Variants in SNAP47 observed in about 807,000 individuals in gnomAD.
SNAP47 encodes the protein synaptosomal-associated protein 47.
Under a neutral mutation model 31.4 loss-of-function variants are expected in SNAP47, and 20 were observed. That is an observed-to-expected ratio of 0.64 (90% CI 0.45 to 0.93). The LOEUF is 0.93. SNAP47 is among the 40% of genes least tolerant of loss of function. SNAP47 has a pLI of 0.00. For synonymous variants in SNAP47, 194 were observed against 213.4 expected, an observed-to-expected ratio of 0.91 and a Z score of 0.79; for missense variants, 492 against 528.5, an observed-to-expected ratio of 0.93 and a Z score of 0.68.
At chr1:227,771,087 T>TG (rs1191791354) in intron 4 of SNAP47, among the ~76,000 whole-genome samples, 1 of 151,930 alleles carries the variant, frequency 6.6e-6, no homozygotes, top group African/African-American at 2.4e-5. Context: ...CAGGCAGGAG[T>TG]GGGCCTTGCT....
chr1:227,740,400 G>C (rs1342597006), intron 1 of SNAP47, among the ~76,000 whole-genome samples: 1 of 152,200 alleles, frequency 6.6e-6, no homozygotes, highest in Non-Finnish European at 1.5e-5. Context: ...ACTGCTGGAG[G>C]GGGAATGGGT....
At chr1:227,775,499 T>A (rs1191001628) in intron 4 of SNAP47, among the ~76,000 whole-genome samples, 1 of 152,180 alleles carries the variant, frequency 6.6e-6, no homozygotes, top group Admixed American at 6.5e-5. Context: ...AGAGCAGACA[T>A]GTCCCATGGG....
At chr1:227,775,278 C>A (rs1281809232) in intron 4 of SNAP47, among the ~76,000 whole-genome samples, 1 of 152,228 alleles carries the variant, frequency 6.6e-6, no homozygotes, top group Non-Finnish European at 1.5e-5. Flanking sequence ...ATTAATGGCC[C>A]CAACTGGTAG....
intron 1 of SNAP47, 167 bp downstream of exon 1, chr1:227,735,666 C>T (rs1160564688): frequency 1.2e-5 from 12 of 984,592 alleles, no homozygotes; most frequent in Non-Finnish European, 1.2e-5. Flanking sequence ...GGGACAGAGG[C>T]GGTTCTGGGG....
At chr1:227,751,626 C>T (rs1472946195) in intron 2 of SNAP47, among the ~76,000 whole-genome samples, 1 of 152,096 alleles carries the variant, frequency 6.6e-6, no homozygotes, top group Non-Finnish European at 1.5e-5. Flanking sequence ...GGGCGCCCAG[C>T]CTCCAGGACA....
At chr1:227,733,662 T>A (rs191339769), upstream of SNAP47, 1 of 1,601,870 alleles carries the variant, frequency 6.2e-7, no homozygotes, top group African/African-American at 1.3e-5. Context: ...GAGCGGAAGA[T>A]GTCAGCATGG....
intron 1 of SNAP47, chr1:227,736,058 G>C (rs75144570): frequency 0.018 from 2,820 of 156,774 alleles, 87 homozygotes; most frequent in African/African-American, 0.065. Flanking sequence ...ACTTGGAAGG[G>C]ATGGGGACAG....
rs1663100654 is a variant in SNAP47 at position 227,762,089 on chromosome 1, GTGGTGTTTTGA to G, written c.988+2605_988+2615del. Among the ~76,000 whole-genome samples, 1 of 152,212 alleles carries G rather than the reference GTGGTGTTTTGA, an allele frequency of 6.6e-6. No homozygotes were observed. The highest frequency in any genetic ancestry group is 2.1e-4 in the South Asian group (1 of 4,836). On this transcript the variant is annotated intron_variant, in intron 3 of 4. Coordinates refer to ENST00000617596, the MANE Select transcript of SNAP47 (RefSeq NM_053052.4). The surrounding 1 kb of genome is among the most constrained non-coding windows in gnomAD (Gnocchi z 4.2). The stretch of plus-strand genomic sequence containing the variant: ...TCACTTGCACAGCTGCACCCGGCCC[GTGGTGTTTTGA>G]GTACCTGGGGCAGCCATCTTGCCAT...
At chr1:227,767,769 T>C (rs1048028245) in intron 4 of SNAP47, among the ~76,000 whole-genome samples, 1 of 152,244 alleles carries the variant, frequency 6.6e-6, no homozygotes, top group African/African-American at 2.4e-5. Flanking sequence ...GTGCTCTGTA[T>C]ACTGTGCATG....
intron 2 of SNAP47, among the ~76,000 whole-genome samples, chr1:227,749,297 G>A (rs1373495641): frequency 6.6e-6 from 1 of 152,110 alleles, no homozygotes; most frequent in Non-Finnish European, 1.5e-5. Context: ...CTGGGGTCCT[G>A]TCTGGAGCGT....
Position 227,738,679 on chromosome 1 carries a change from T to G in SNAP47, c.-46+3180T>G, listed in dbSNP as rs79933727. Among the ~76,000 whole-genome samples, 608 of 152,304 alleles carry G rather than the reference T, an allele frequency of 4.0e-3. 7 individuals are homozygous for G. Among genetic ancestry groups the G allele is most frequent in the African/African-American group, 0.014 (578 of 41,572 alleles). ...CCTTAATTGCTAGTAGTCATTTGAT[T>G]TTGGTTGTGGTGCATGCAGATCATG... is the stretch of plus-strand genomic sequence containing the variant. On this transcript the variant is annotated intron_variant, in intron 1 of 4. Coordinates refer to ENST00000617596, the MANE Select transcript of SNAP47 (RefSeq NM_053052.4).
At chr1:227,733,671 G>A (rs753697884), upstream of SNAP47, 2 of 1,600,820 alleles carry the variant, frequency 1.2e-6, no homozygotes, top group African/African-American at 2.7e-5. Context: ...ATGTCAGCAT[G>A]GAACGGGGAC....
At chr1:227,750,239 A>G (rs899172531) in intron 2 of SNAP47, among the ~76,000 whole-genome samples, 17 of 152,330 alleles carry the variant, frequency 1.1e-4, no homozygotes, top group African/African-American at 3.1e-4. Context: ...TGCCCTAGTC[A>G]GAGTCTGCAG....
upstream of SNAP47, chr1:227,732,302 G>C: frequency 6.8e-7 from 1 of 1,472,216 alleles, no homozygotes; most frequent in Non-Finnish European, 9.3e-7. Flanking sequence ...TGGGCCCCAG[G>C]TCACAGGGAG....
intron 2 of SNAP47, among the ~76,000 whole-genome samples, chr1:227,752,974 G>T (rs1380251046): frequency 6.6e-6 from 1 of 152,214 alleles, no homozygotes; most frequent in Non-Finnish European, 1.5e-5. Context: ...AGAGTGAGTT[G>T]TTGGTTCTCA....
chr1:227,776,808 A>G (rs1664187973), intron 4 of SNAP47: 3 of 985,346 alleles, frequency 3.0e-6, no homozygotes, highest in African/African-American at 3.5e-5. Context: ...ATTAACTTCA[A>G]GTGCAATTTT....
intron 1 of SNAP47, among the ~76,000 whole-genome samples, chr1:227,729,530 G>A (rs973245567): frequency 1.3e-5 from 2 of 152,196 alleles, no homozygotes; most frequent in African/African-American, 4.8e-5. Context: ...GCAAAGGGAA[G>A]GATGTGGCCT....
Position 227,775,783 on chromosome 1 carries a change from C to A in SNAP47, c.1114-4744C>A, listed in dbSNP as rs761926504. The A allele has an allele frequency of 4.6e-6, 6 of 1,303,776 alleles. No homozygotes were observed. The South Asian group carries it at 7.4e-5, about 16-fold the overall frequency. The allele number at this position is 1,303,776 out of a possible 1,614,324, so 80.8% of individuals were successfully genotyped here. A position where few individuals can be genotyped will look rare whatever the true frequency, so the allele number is the denominator to read the frequency against. ...AATGCTAAATTCTCTTGTTTTTGCTCTGCAGGGCTTCCGGCCTATGTCGCT... is the reference window on the plus strand; with the variant it reads ...AATGCTAAATTCTCTTGTTTTTGCTATGCAGGGCTTCCGGCCTATGTCGCT... On this transcript the variant is annotated intron_variant, in intron 4 of 4. Transcript: ENST00000617596.
upstream of SNAP47, chr1:227,733,783 G>T: frequency 6.3e-7 from 1 of 1,581,314 alleles, no homozygotes; most frequent in Non-Finnish European, 8.6e-7. Flanking sequence ...TGGCCCCTTG[G>T]TCTCAAGGGA....
Sources: gnomAD v4.1 joint callset for allele counts (sites outside exome capture counted in the v4.1 genomes callset) on GRCh38, gnomAD v4.1.1 for gene constraint, Gnocchi (gnomAD v3.1) non-coding constraint, MANE v1.5 for transcripts, NCBI Gene and HGNC (gene_info 2026-07-23, HGNC 2026-07-21) for gene names.